The following NCKAP1L variants were observed in gnomAD, a reference collection of about 807,000 sequenced individuals.
NCKAP1L encodes the protein nck-associated protein 1-like.
In NCKAP1L, 53 loss-of-function variants were observed where a neutral mutation model predicts 139.2. The observed-to-expected ratio is 0.38, with a 90% CI of 0.31 to 0.48. The LOEUF (loss-of-function observed/expected upper bound fraction) is 0.48, where lower values mean the gene tolerates loss of function less well. Among genes scored for constraint, NCKAP1L ranks in the 20% least tolerant of loss-of-function variants. The pLI is 0.98. For missense variants in NCKAP1L, 1,151 were observed against 1,381.9 expected (o/e 0.83, Z 2.65); for synonymous variants, 468 against 499.7 (o/e 0.94, Z 0.85).
chr12:54,519,331 T>C lies in NCKAP1L; in HGVS notation c.1624T>C (p.Cys542Arg). 6.4e-7 allele frequency: 1 copy of C among 1,560,526 alleles called. No individual in the cohort carries two copies. Among genetic ancestry groups the C allele is most frequent in the Non-Finnish European group, 8.6e-7 (1 of 1,163,984 alleles). Residue 542 changes from cysteine to arginine, a missense_variant and splice_region_variant, in exon 16 of 31, where the codon TGC becomes CGC. Physicochemically the swap from Cys to Arg is radical, Grantham distance 180. Transcript: ENST00000293373. ...LVETSDLSTFCFHLRIFEKMF... is the reference protein window; with the variant it reads ...LVETSDLSTFRFHLRIFEKMF... ...GGAAACTTCTGATCTGTCTACTTTC[T>C]GGTATGTCTTGGTTCAGAGCTCTCT...
chr12:54,532,275 C>G, intron 26 of NCKAP1L, 25 bp downstream of exon 26: 8 of 1,577,674 alleles, frequency 5.1e-6, no homozygotes, highest in Non-Finnish European at 6.9e-6. Context: ...AAAGTAGAAT[C>G]TAATTAGGAG....
At chr12:54,535,706 A>G (rs1409999918) in intron 27 of NCKAP1L, among the ~76,000 whole-genome samples, 1 of 152,206 alleles carries the variant, frequency 6.6e-6, no homozygotes, top group Admixed American at 6.5e-5. Context: ...TCATACCTAT[A>G]CACACTCAGA....
chr12:54,531,967 G>A (rs545204227), intron 25 of NCKAP1L, 142 bp downstream of exon 25: 37 of 780,608 alleles, frequency 4.7e-5, no homozygotes, highest in African/African-American at 3.1e-4. Context: ...AAGAGGGAGA[G>A]TAATTTGGCA....
intron 3 of NCKAP1L, among the ~76,000 whole-genome samples, chr12:54,506,796 A>AAAAT: frequency 0.01 from 508 of 50,594 alleles, 8 homozygotes; most frequent in Non-Finnish European, 0.011. Context: ...AAAAAAAAAA[A>AAAAT]ATATATATAT....
chr12:54,509,951 C>A lies in NCKAP1L; in HGVS notation c.701C>A (p.Pro234His), dbSNP rs771434106. 1.9e-6 allele frequency: 3 copies of A among 1,614,206 alleles called. No homozygotes were observed. Among genetic ancestry groups the A allele is most frequent in the Non-Finnish European group, 1.7e-6 (2 of 1,180,026 alleles). The change falls in exon 7 of 31, where the codon CCC becomes CAC. Residue 234 changes from proline (P) to histidine (H), a missense_variant. Coordinates refer to ENST00000293373, the MANE Select transcript of NCKAP1L (RefSeq NM_005337.5). Reference protein sequence around the residue: ...SAQLLSLISNPPAMINPANSD... With the variant: ...SAQLLSLISNHPAMINPANSD... ...CAACTTCTAAGCCTCATCAGCAACC[C>A]CCCAGCCATGATTAACCCTGCTAAT...
intron 29 of NCKAP1L, 78 bp downstream of exon 29, chr12:54,537,131 T>A: frequency 1.0e-6 from 1 of 955,832 alleles, no homozygotes; most frequent in Non-Finnish European, 1.6e-6. Flanking sequence ...TAGACAATTA[T>A]CGTTGAACAG....
intron 3 of NCKAP1L, among the ~76,000 whole-genome samples, chr12:54,506,796 A>AAAAAATATATATATATATATAT: frequency 8.1e-4 from 41 of 50,596 alleles, no homozygotes; most frequent in South Asian, 1.2e-3. Context: ...AAAAAAAAAA[A>AAAAAATATATATATATATATAT]ATATATATAT....
At position 54,516,269 on chromosome 12, in the gene NCKAP1L, G is replaced by T. The variant is rs1273436331; in HGVS notation, c.972G>T (p.Glu324Asp). 1 of 1,613,854 alleles carries T rather than the reference G, an allele frequency of 6.2e-7. No homozygotes were observed. The highest frequency in any genetic ancestry group is 1.3e-5 in the African/African-American group (1 of 74,846). The change falls in exon 10 of 31, where the codon GAG becomes GAT. Residue 324 changes from glutamate to aspartate, a missense_variant. Coordinates refer to ENST00000293373, the MANE Select transcript of NCKAP1L (RefSeq NM_005337.5). ...GCAAGAGAGTGGCAGACATAAAGGA[G>T]AGCAAGGAACATGTAATTGCAAACA... ...GYGKRVADIKESKEHVIANSG... is the reference protein window; with the variant it reads ...GYGKRVADIKDSKEHVIANSG...
In NCKAP1L at chr12:54,532,164, C is replaced by T; in HGVS notation, c.2782-6C>T. 6.2e-7 allele frequency: 1 copy of T among 1,608,216 alleles called. No homozygotes were observed. Among genetic ancestry groups the T allele is most frequent in the Non-Finnish European group, 8.5e-7 (1 of 1,176,746 alleles). On this transcript the variant is annotated splice_region_variant and splice_polypyrimidine_tract_variant and intron_variant, in intron 25 of 30. Coordinates refer to ENST00000293373, the MANE Select transcript of NCKAP1L (RefSeq NM_005337.5). The stretch of plus-strand genomic sequence containing the variant: ...TGTGGACTCATTTATCTTCTCTTTC[C>T]TCCAGGTTTTCTCCTCCCACTGCCC...
intron 3 of NCKAP1L, 49 bp downstream of exon 3, chr12:54,500,674 T>A: frequency 1.7e-6 from 2 of 1,172,040 alleles, no homozygotes; most frequent in Non-Finnish European, 2.6e-6. Flanking sequence ...TTTCAGAGGC[T>A]ATTCTTTCTT....
Position 54,545,671 on chromosome 12 carries a change from A to G in NCKAP1L, c.*2986A>G, listed in dbSNP as rs1022683148. 1.3e-5 allele frequency: 2 copies of G among 152,368 alleles called. No homozygotes were observed. 9.4% of individuals were successfully genotyped at this position (152,368 alleles called of 1,614,324 possible). On this transcript the variant is annotated 3_prime_UTR_variant, in exon 31 of 31. Coordinates refer to ENST00000293373, the MANE Select transcript of NCKAP1L (RefSeq NM_005337.5). ...TTGTAAGTTTGCTTTACTTAGGCCCAAAGGAACTAAAGAATGGATATCAGA... is the reference window on the plus strand; with the variant it reads ...TTGTAAGTTTGCTTTACTTAGGCCCGAAGGAACTAAAGAATGGATATCAGA...
At chr12:54,536,753 C>T (rs1957116646) in intron 28 of NCKAP1L, among the ~76,000 whole-genome samples, 191 bp from the exon 29 acceptor site, 4 of 150,980 alleles carry the variant, frequency 2.6e-5, no homozygotes, top group Non-Finnish European at 5.9e-5. Flanking sequence ...ATGAACTATG[C>T]ATAATTCGAT....
intron 18 of NCKAP1L, 42 bp downstream of exon 18, chr12:54,521,280 G>A (rs772567124): frequency 3.9e-5 from 62 of 1,607,352 alleles, no homozygotes; most frequent in Non-Finnish European, 5.1e-5. Context: ...CTCTGCCAGC[G>A]CTCAGTGCCT....
rs1957175383 is a variant in NCKAP1L at position 54,543,425 on chromosome 12, A to G, written c.*740A>G. 1 of 152,246 alleles carries G rather than the reference A, an allele frequency of 6.6e-6. No homozygotes were observed. Among genetic ancestry groups the G allele is most frequent in the Admixed American group, 6.5e-5 (1 of 15,276 alleles). 9.4% of individuals were successfully genotyped at this position (152,246 alleles called of 1,614,324 possible). On this transcript the variant is annotated 3_prime_UTR_variant, in exon 31 of 31. Coordinates refer to ENST00000293373, the MANE Select transcript of NCKAP1L (RefSeq NM_005337.5). ...CTTTGATATCTCCACAACCCAGAGC[A>G]GAGGGTCAGTTAGTCTCCGTCAATT...
intron 9 of NCKAP1L, among the ~76,000 whole-genome samples, chr12:54,514,511 C>T (rs1419516643): frequency 6.6e-6 from 1 of 151,832 alleles, no homozygotes; most frequent in African/African-American, 2.4e-5. Context: ...TTAGTAGAGA[C>T]GGGGTTTTAC....
rs1957167183 is a variant in NCKAP1L at position 54,542,648 on chromosome 12, C to A, written c.3347C>A (p.Ala1116Asp). 1 of 1,614,034 alleles carries A rather than the reference C, an allele frequency of 6.2e-7. No individual in the cohort carries two copies. Among genetic ancestry groups the A allele is most frequent in the African/African-American group, 1.3e-5 (1 of 74,926 alleles). ...TTCCCTTATGTCCTGCTTCGAAATG[C>A]CTATCGGGAGGTGTCTCGGGCCTTC... ...SCFPYVLLRN[A>D]YREVSRAFHL... Residue 1116 changes from alanine to aspartate, a missense_variant, in exon 31 of 31, where the codon GCC (alanine) becomes GAC (aspartate). Ala to Asp is a moderately radical substitution (Grantham distance 126). Coordinates refer to ENST00000293373, the MANE Select transcript of NCKAP1L (RefSeq NM_005337.5).
At chr12:54,509,519 C>A in intron 5 of NCKAP1L, 150 bp from the exon 6 acceptor site, 1 of 621,728 alleles carries the variant, frequency 1.6e-6, no homozygotes, top group Non-Finnish European at 2.9e-6. Context: ...AGTGGGGTAT[C>A]TTTATATGTA....
chr12:54,498,903 T>G, intron 1 of NCKAP1L: 1 of 269,132 alleles, frequency 3.7e-6, no homozygotes, highest in Non-Finnish European at 4.9e-6. Context: ...CTCTTATGCT[T>G]TTTATTTTTA....
chr12:54,524,289 A>G (rs1019723716), intron 20 of NCKAP1L, among the ~76,000 whole-genome samples: 1 of 152,208 alleles, frequency 6.6e-6, no homozygotes, highest in Admixed American at 6.5e-5. Flanking sequence ...AGATCGTCCA[A>G]CTTATTTGAA....
Sources: gnomAD v4.1 joint callset for allele counts (sites outside exome capture counted in the v4.1 genomes callset) on GRCh38, gnomAD v4.1.1 for gene constraint, MANE v1.5 for transcripts, NCBI Gene and HGNC (gene_info 2026-07-23, HGNC 2026-07-21) for gene names.